Variants in DPY19L3 observed in about 807,000 individuals in gnomAD.
DPY19L3 encodes dpy-19 like C-mannosyltransferase 3.
In DPY19L3, 51 loss-of-function variants were observed where a neutral mutation model predicts 92.3. That is an observed-to-expected ratio of 0.55 (90% CI 0.44 to 0.70). The LOEUF (loss-of-function observed/expected upper bound fraction) is 0.70, where lower values mean the gene tolerates loss of function less well. Among genes scored for constraint, DPY19L3 ranks in the 30% least tolerant of loss-of-function variants. DPY19L3 has a pLI of 0.00. For synonymous variants in DPY19L3, 309 were observed against 315.2 expected (o/e 0.98, Z 0.21); for missense variants, 706 against 855.9 (o/e 0.82, Z 2.18).
intron 4 of DPY19L3, among the ~76,000 whole-genome samples, chr19:32,434,730 T>C (rs1969082026): frequency 6.6e-6 from 1 of 152,248 alleles, no homozygotes; most frequent in East Asian, 1.9e-4. Context: ...AAATTTATTT[T>C]CTCACAATTC....
chr19:32,437,107 T>G, intron 5 of DPY19L3, 87 bp from the exon 6 acceptor site: 4 of 1,496,510 alleles, frequency 2.7e-6, no homozygotes, highest in Non-Finnish European at 2.7e-6. Flanking sequence ...AGCTCCTGCA[T>G]ATTGTATTCC....
At chr19:32,424,031 G>A (rs1968671336) in intron 3 of DPY19L3, among the ~76,000 whole-genome samples, 1 of 151,680 alleles carries the variant, frequency 6.6e-6, no homozygotes, top group South Asian at 2.1e-4. Context: ...AGGTTGGGGA[G>A]GCCAGCTGGC....
At chr19:32,411,409 G>C (rs368016106) in intron 3 of DPY19L3, 37 bp downstream of exon 3, 9 of 1,611,478 alleles carry the variant, frequency 5.6e-6, no homozygotes, top group Non-Finnish European at 6.8e-6. Context: ...CATTCACTCA[G>C]TGGGATCTCC....
intron 8 of DPY19L3, among the ~76,000 whole-genome samples, chr19:32,445,876 C>T (rs896300987): frequency 2.0e-5 from 3 of 152,138 alleles, no homozygotes; most frequent in South Asian, 4.2e-4. Context: ...TGATGGGTGC[C>T]TGTAATCCCA....
At chr19:32,412,201 T>G (rs866396501) in intron 3 of DPY19L3, 1 of 152,206 alleles carries the variant, frequency 6.6e-6, no homozygotes. Flanking sequence ...TTTTTCTTTT[T>G]CATTAACTTA....
intron 3 of DPY19L3, among the ~76,000 whole-genome samples, chr19:32,413,963 ATCC>A (rs1184188559): frequency 1.4e-4 from 21 of 152,144 alleles, no homozygotes. Flanking sequence ...GACTCAAGCA[ATCC>A]TCCTGCGTTG....
In DPY19L3 at chr19:32,458,438, T is replaced by A. The variant is rs142127876; in HGVS notation, c.1251T>A (p.Leu417=). Reference sequence around the variant, plus strand: ...TTGGAAGGCTTTCAGATACTCTGCTTTTTTATGCTTACATATTCGTTCTGT... The same window carrying A: ...TTGGAAGGCTTTCAGATACTCTGCTATTTTATGCTTACATATTCGTTCTGT... The part of the protein sequence containing the change: ...NTFGRLSDTL[L]FYAYIFVLSI... Residue 417 remains leucine (L), a synonymous_variant, in exon 12 of 19, where the codon CTT becomes CTA. Coordinates refer to ENST00000392250, the MANE Select transcript of DPY19L3 (RefSeq NM_001172774.2). 1,181 of 1,613,930 alleles carry A rather than the reference T, an allele frequency of 7.3e-4. 1 individual carries two copies. Among genetic ancestry groups the A allele is most frequent in the Non-Finnish European group, 9.3e-4 (1,095 of 1,180,002 alleles).
chr19:32,467,708 G>A, intron 15 of DPY19L3: 1 of 987,330 alleles, frequency 1.0e-6, no homozygotes, highest in Non-Finnish European at 1.2e-6. Flanking sequence ...CATTGTCATT[G>A]GTCTTCTATG....
chr19:32,439,139 C>T lies in DPY19L3; in HGVS notation c.624C>T (p.Thr208=), dbSNP rs143106953. Reference sequence around the variant, plus strand: ...TAGATACCACAAGAGTTGAGTTTACCATCCCACTGAGGGAGAACTGGGCGC... The same window carrying T: ...TAGATACCACAAGAGTTGAGTTTACTATCCCACTGAGGGAGAACTGGGCGC... The part of the protein sequence containing the change: ...NRIDTTRVEF[T]IPLRENWALP... The change falls in exon 7 of 19, where the codon ACC becomes ACT. Residue 208 remains threonine, a synonymous_variant. Coordinates refer to ENST00000392250, the MANE Select transcript of DPY19L3 (RefSeq NM_001172774.2). The T allele has an allele frequency of 3.5e-5, 57 of 1,612,644 alleles. No individual in the cohort carries two copies. The African/African-American group carries it at 7.1e-4, about 20-fold the overall frequency.
In DPY19L3 at chr19:32,485,082, C is replaced by T. The variant is rs1970764340; in HGVS notation, c.*2842C>T. 6.6e-6 allele frequency: 1 copy of T among 151,996 alleles called. No homozygotes were observed. The highest frequency in any genetic ancestry group is 6.6e-5 in the Admixed American group (1 of 15,252). The allele number at this position is 151,996 out of a possible 1,614,324, so 9.4% of individuals were successfully genotyped here. ...AGAAGTAGAACTGTAGTCATTGGAC[C>T]CTTAGGCAAAGGAAAATCCGTGTCT... is the stretch of plus-strand genomic sequence containing the variant. On this transcript the variant is annotated 3_prime_UTR_variant, in exon 19 of 19. Transcript: ENST00000392250.
At chr19:32,453,726 A>G (rs368560550) in intron 9 of DPY19L3, among the ~76,000 whole-genome samples, 42 of 152,234 alleles carry the variant, frequency 2.8e-4, no homozygotes, top group African/African-American at 9.9e-4. Context: ...ATACCATACT[A>G]GTTATTTTTA....
intron 6 of DPY19L3, among the ~76,000 whole-genome samples, chr19:32,438,545 T>C (rs1037666419): frequency 3.9e-5 from 6 of 152,108 alleles, no homozygotes; most frequent in African/African-American, 1.4e-4. Flanking sequence ...AGGTACCTTG[T>C]TTGAGATGTA....
In DPY19L3 at chr19:32,483,582, A is replaced by G. The variant is rs536752456; in HGVS notation, c.*1342A>G. 14 of 152,710 alleles carry G rather than the reference A, an allele frequency of 9.2e-5. No homozygotes were observed. Among genetic ancestry groups the G allele is most frequent in the Admixed American group, 7.8e-4 (12 of 15,302 alleles). The allele number at this position is 152,710 out of a possible 1,614,324, so 9.5% of individuals were successfully genotyped here. A position where few individuals can be genotyped will look rare whatever the true frequency, so the allele number is the denominator to read the frequency against. ...TTACCATAGGCATCAAGATGGCTGC[A>G]TCACATTTTCAAATGATTTTATATT... is the stretch of plus-strand genomic sequence containing the variant. On this transcript the variant is annotated 3_prime_UTR_variant, in exon 19 of 19. Transcript: ENST00000392250.
intron 4 of DPY19L3, among the ~76,000 whole-genome samples, chr19:32,434,794 C>T (rs1969084834): frequency 6.6e-6 from 1 of 152,256 alleles, no homozygotes; most frequent in East Asian, 1.9e-4. Context: ...CTAGGGAGGG[C>T]TCTCTTCCTG....
intron 1 of DPY19L3, among the ~76,000 whole-genome samples, 178 bp from the exon 2 acceptor site, chr19:32,408,039 G>A (rs1340327203): frequency 6.6e-6 from 1 of 151,988 alleles, no homozygotes; most frequent in Admixed American, 6.6e-5. Flanking sequence ...GAGCCGTGAT[G>A]GTGCCGCTGC....
chr19:32,456,250 T>A (rs117508873), intron 10 of DPY19L3, among the ~76,000 whole-genome samples: 1 of 151,916 alleles, frequency 6.6e-6, no homozygotes, highest in Non-Finnish European at 1.5e-5. Context: ...AATTTTTGTA[T>A]TTTTTGTAGA....
intron 8 of DPY19L3, among the ~76,000 whole-genome samples, chr19:32,442,542 A>G (rs1442523683): frequency 3.3e-5 from 5 of 152,194 alleles, no homozygotes; most frequent in Admixed American, 2.6e-4. Context: ...TGAGAGGTAG[A>G]GAGAAGCAGA....
intron 12 of DPY19L3, among the ~76,000 whole-genome samples, chr19:32,461,647 G>A (rs1197254932): frequency 2.6e-5 from 4 of 151,908 alleles, no homozygotes; most frequent in Admixed American, 2.0e-4. Flanking sequence ...TTTAATTTTC[G>A]TATGTATTTA....
intron 8 of DPY19L3, among the ~76,000 whole-genome samples, chr19:32,449,356 T>C (rs1008738347): frequency 1.3e-5 from 2 of 152,154 alleles, no homozygotes; most frequent in Non-Finnish European, 2.9e-5. Context: ...CCCAAATTGA[T>C]CTACAGATTC....
Sources: gnomAD v4.1 joint callset for allele counts (sites outside exome capture counted in the v4.1 genomes callset) on GRCh38, gnomAD v4.1.1 for gene constraint, MANE v1.5 for transcripts, NCBI Gene and HGNC (gene_info 2026-07-23, HGNC 2026-07-21) for gene names.